RABGAP1L: variants seen among roughly 807,000 people sequenced by gnomAD.
The protein encoded by RABGAP1L is rab GTPase-activating protein 1-like.
RABGAP1L carries 63 observed loss-of-function variants against 137.7 expected under a neutral mutation model. That is an observed-to-expected ratio of 0.46 (90% CI 0.37 to 0.56). The LOEUF (loss-of-function observed/expected upper bound fraction) is 0.56. Ranked by LOEUF, RABGAP1L falls within the 20% of genes least tolerant of loss-of-function variation. The probability of loss-of-function intolerance (pLI) is 0.00; values close to 1 mark genes in which losing one functional copy is unlikely to be tolerated. For synonymous variants in RABGAP1L, 431 were observed against 433.7 expected, an observed-to-expected ratio of 0.99 and a Z score of 0.08; for missense variants, 1,095 against 1,244.0, an observed-to-expected ratio of 0.88 and a Z score of 1.80.
chr1:174,965,541 C>T (rs571646678), intron 20 of RABGAP1L, among the ~76,000 whole-genome samples: 25 of 152,302 alleles, frequency 1.6e-4, no homozygotes, highest in Admixed American at 1.3e-3. Context: ...TTGAGAAGAA[C>T]TGTAAAAGAC....
chr1:174,351,298 A>G (rs1048452122), intron 11 of RABGAP1L, among the ~76,000 whole-genome samples: 4 of 152,086 alleles, frequency 2.6e-5, no homozygotes, highest in Non-Finnish European at 5.9e-5. Context: ...CTTATTGTTC[A>G]TTAATGTCCT....
intron 11 of RABGAP1L, among the ~76,000 whole-genome samples, chr1:174,320,547 T>C (rs1270118896): frequency 6.6e-6 from 1 of 152,194 alleles, no homozygotes; most frequent in Non-Finnish European, 1.5e-5. Flanking sequence ...GGACCCTGAA[T>C]GGAGGGACCA....
intron 19 of RABGAP1L, among the ~76,000 whole-genome samples, chr1:174,814,056 A>T (rs890016278): frequency 6.6e-6 from 1 of 151,982 alleles, no homozygotes; most frequent in East Asian, 1.9e-4. Flanking sequence ...TATAGGGAAA[A>T]TTTTTTTCTC....
chr1:174,634,899 G>T (rs1360848090), intron 13 of RABGAP1L, among the ~76,000 whole-genome samples: 1 of 114,488 alleles, frequency 8.7e-6, no homozygotes, highest in Non-Finnish European at 1.8e-5. Flanking sequence ...GGGGGGAGGG[G>T]GGAGGGATAG....
At chr1:174,620,846 G>A (rs113893433) in intron 13 of RABGAP1L, among the ~76,000 whole-genome samples, 2,593 of 152,184 alleles carry the variant, frequency 0.017, 80 homozygotes, top group African/African-American at 0.059. Context: ...GAATACAGGA[G>A]CTGGTTTTTT....
intron 1 of RABGAP1L, among the ~76,000 whole-genome samples, chr1:174,210,554 A>G (rs1462132460): frequency 6.6e-6 from 1 of 152,222 alleles, no homozygotes; most frequent in Non-Finnish European, 1.5e-5. Flanking sequence ...GACAAAAGAA[A>G]AACAAAACAG....
At chr1:174,762,570 T>G (rs924719804) in intron 18 of RABGAP1L, among the ~76,000 whole-genome samples, 1 of 152,218 alleles carries the variant, frequency 6.6e-6, no homozygotes, top group Non-Finnish European at 1.5e-5. Flanking sequence ...GATACCTGAT[T>G]AAATGGTTGG....
intron 15 of RABGAP1L, among the ~76,000 whole-genome samples, chr1:174,694,012 G>A (rs1442260831): frequency 2.6e-5 from 4 of 152,012 alleles, no homozygotes; most frequent in African/African-American, 9.7e-5. Context: ...AGTGTAACAA[G>A]TAAAAATATA....
chr1:174,839,045 G>GTGTGTGTGTT (rs1693099344), intron 19 of RABGAP1L, among the ~76,000 whole-genome samples: 1 of 148,282 alleles, frequency 6.7e-6, no homozygotes, highest in Non-Finnish European at 1.5e-5. Context: ...GTGTGTGTGT[G>GTGTGTGTGTT]TGTGTGTGTG....
chr1:174,667,049 G>A (rs1572737293), intron 14 of RABGAP1L, among the ~76,000 whole-genome samples: 2 of 149,994 alleles, frequency 1.3e-5, no homozygotes, highest in Admixed American at 6.7e-5. Flanking sequence ...CTTACATTAT[G>A]TATAAATGTT....
At chr1:174,782,452 TAAG>T (rs1375636778) in intron 18 of RABGAP1L, among the ~76,000 whole-genome samples, 1 of 152,202 alleles carries the variant, frequency 6.6e-6, no homozygotes, top group African/African-American at 2.4e-5. Flanking sequence ...CTTATCAGCT[TAAG>T]GAGATTTTGG....
At chr1:174,574,041 A>G (rs1251866794) in intron 13 of RABGAP1L, among the ~76,000 whole-genome samples, 2 of 152,246 alleles carry the variant, frequency 1.3e-5, no homozygotes, top group African/African-American at 4.8e-5. Context: ...TGATTAACAT[A>G]CACATAAGAG....
At chr1:174,199,055 C>A (rs1209175362) in intron 1 of RABGAP1L, among the ~76,000 whole-genome samples, 1 of 151,754 alleles carries the variant, frequency 6.6e-6, no homozygotes, top group African/African-American at 2.4e-5. Flanking sequence ...TTGCAGTGAG[C>A]CAAGATTGCG....
chr1:174,362,395 C>T (rs1390222044), intron 11 of RABGAP1L, among the ~76,000 whole-genome samples: 1 of 152,230 alleles, frequency 6.6e-6, no homozygotes, highest in Non-Finnish European at 1.5e-5. Context: ...TACACTCCCA[C>T]CAACAGTGTA....
rs1382321327 is a variant in RABGAP1L, at chr1:174,976,121, C to G, written c.2588C>G (p.Thr863Ser). 4 of 1,550,884 alleles carry G rather than the reference C, an allele frequency of 2.6e-6. No individual in the cohort carries two copies. Among genetic ancestry groups the G allele is most frequent in the Non-Finnish European group, 3.5e-6 (4 of 1,147,122 alleles). ...GTGTTGAATAAAGAGCTCCTTTTGA[C>G]CAAACAGAGGCTGGTGGAGACTGAA... ...ADVLNKELLL[T>S]KQRLVETEEE... is the part of the protein sequence containing the mutation. Residue 863 changes from threonine to serine, a missense_variant, in exon 22 of 26, where the codon ACC (threonine) becomes AGC (serine). Around this residue, in one of 4 missense-constraint regions of RABGAP1L, gnomAD observed 312 missense variants for 435.6 expected, o/e 0.72. Coordinates refer to ENST00000681986, the MANE Select transcript of RABGAP1L (RefSeq NM_001366446.1).
chr1:174,343,044 T>A (rs75659505), intron 11 of RABGAP1L, among the ~76,000 whole-genome samples: 3 of 151,808 alleles, frequency 2.0e-5, no homozygotes, highest in African/African-American at 7.3e-5. Context: ...TAGCCAGAAA[T>A]TTTTTTTAAC....
chr1:174,616,614 G>A (rs139458745), intron 13 of RABGAP1L, among the ~76,000 whole-genome samples: 9 of 152,292 alleles, frequency 5.9e-5, no homozygotes, highest in Non-Finnish European at 1.2e-4. Flanking sequence ...AATTGATTAA[G>A]TGAGGAAAAG....
intron 18 of RABGAP1L, among the ~76,000 whole-genome samples, chr1:174,782,819 G>A (rs1357264266): frequency 6.6e-6 from 1 of 152,148 alleles, no homozygotes; most frequent in Non-Finnish European, 1.5e-5. Context: ...GTAGTAAAGA[G>A]GGCTCACTAA....
intron 13 of RABGAP1L, among the ~76,000 whole-genome samples, chr1:174,612,543 T>C (rs1035449400): frequency 7.2e-5 from 11 of 152,204 alleles, no homozygotes; most frequent in African/African-American, 2.7e-4. Context: ...TCTGCCCGGC[T>C]TTGGTATCAG....
Sources: allele counts gnomAD v4.1 joint callset (sites outside exome capture counted in the v4.1 genomes callset), GRCh38; gene constraint gnomAD v4.1.1; regional missense constraint gnomAD v4.1.1; transcripts MANE v1.5; gene names NCBI Gene and HGNC (gene_info 2026-07-23, HGNC 2026-07-21).